CAPG: variants seen among roughly 807,000 people sequenced by gnomAD.
CAPG encodes capping actin protein, gelsolin like, also known as macrophage-capping protein.
In CAPG, 32 loss-of-function variants were observed where a neutral mutation model predicts 44.6. That is an observed-to-expected ratio of 0.72 (90% CI 0.54 to 0.96). The LOEUF is 0.96. Ranked by LOEUF, CAPG falls within the 50% of genes least tolerant of loss-of-function variation. The pLI, the probability that CAPG is intolerant of heterozygous loss-of-function variation, is 0.00. For synonymous variants in CAPG, 175 were observed against 179.6 expected, an observed-to-expected ratio of 0.97 and a Z score of 0.20; for missense variants, 412 against 438.3, an observed-to-expected ratio of 0.94 and a Z score of 0.54.
upstream of CAPG, among the ~76,000 whole-genome samples, chr2:85,415,263 C>T (rs1228634953): frequency 6.6e-6 from 1 of 152,186 alleles, no homozygotes; most frequent in Non-Finnish European, 1.5e-5. Context: ...TGCATCTACA[C>T]GCCCATGGGA....
chr2:85,413,449 G>T (rs1225031987), upstream of CAPG, among the ~76,000 whole-genome samples: 1 of 152,158 alleles, frequency 6.6e-6, no homozygotes, highest in Non-Finnish European at 1.5e-5. Context: ...GCGTGGTGGC[G>T]GGCGCCTATA....
intron 1 of CAPG, among the ~76,000 whole-genome samples, chr2:85,406,983 C>T (rs548314769): frequency 1.3e-5 from 2 of 149,620 alleles, no homozygotes; most frequent in Admixed American, 6.7e-5. Flanking sequence ...CAGGCTGGAG[C>T]GCAGTGGCAC....
chr2:85,400,632 A>C (rs535465371), intron 5 of CAPG, among the ~76,000 whole-genome samples: 2 of 151,988 alleles, frequency 1.3e-5, no homozygotes, highest in East Asian at 3.9e-4. Context: ...CTTTGCCTGG[A>C]GTGGCATCTC....
chr2:85,393,347 A>G (rs1487759120), downstream of CAPG, among the ~76,000 whole-genome samples: 1 of 151,954 alleles, frequency 6.6e-6, no homozygotes, highest in African/African-American at 2.4e-5. Context: ...CAAAAATCTT[A>G]ATCTGTGTAT....
rs1686880415 is a variant in CAPG, at chr2:85,401,422, C to A, written c.352-93G>T. The A allele has an allele frequency of 3.8e-6, 6 of 1,576,726 alleles. No individual in the cohort carries two copies. In the South Asian group the frequency reaches 5.7e-5, roughly 15 times the overall value. On this transcript the variant is annotated intron_variant, in intron 4 of 9. Transcript: ENST00000263867. ...TGGAAGACGGGCAGAAAGGTGGGGA[C>A]CCGGCTCCAAAGGCACCCGGGTCTT... is the stretch of plus-strand genomic sequence containing the variant.
chr2:85,417,010 C>A (rs1400110281), intron 1 of CAPG, among the ~76,000 whole-genome samples: 1 of 152,180 alleles, frequency 6.6e-6, no homozygotes, highest in Non-Finnish European at 1.5e-5. Flanking sequence ...CAGGGGCAAC[C>A]AGAACAGTGA....
downstream of CAPG, among the ~76,000 whole-genome samples, chr2:85,393,028 A>G (rs1288508591): frequency 6.6e-6 from 1 of 151,930 alleles, no homozygotes; most frequent in Non-Finnish European, 1.5e-5. Flanking sequence ...CTCTGAAAGC[A>G]GATGCAAAAA....
At chr2:85,406,243 C>G (rs1010563165) in intron 1 of CAPG, among the ~76,000 whole-genome samples, 3 of 141,634 alleles carry the variant, frequency 2.1e-5, no homozygotes, top group Non-Finnish European at 4.7e-5. Context: ...TGGAGTGAGA[C>G]TCGGTTTCAA....
downstream of CAPG, among the ~76,000 whole-genome samples, chr2:85,394,069 C>G (rs1558727155): frequency 1.3e-5 from 2 of 152,352 alleles, no homozygotes; most frequent in East Asian, 3.9e-4. Flanking sequence ...GGCTCACTCA[C>G]ACCCTGCTCT....
chr2:85,414,363 G>GGGAGGCTCA (rs1687503552), upstream of CAPG, among the ~76,000 whole-genome samples: 1 of 152,018 alleles, frequency 6.6e-6, no homozygotes, highest in South Asian at 2.1e-4. Flanking sequence ...TGAAGTCTTT[G>GGGAGGCTCA]GGAGGCTCAG....
intron 7 of CAPG, chr2:85,398,390 T>A (rs2271625): frequency 0.2 from 115,399 of 585,356 alleles, 12,484 homozygotes; most frequent in East Asian, 0.39. Flanking sequence ...GGAAATTAGG[T>A]GGATTCCAAA....
At chr2:85,406,858 C>CAA (rs1197970158) in intron 1 of CAPG, among the ~76,000 whole-genome samples, 1 of 135,800 alleles carries the variant, frequency 7.4e-6, no homozygotes, top group Non-Finnish European at 1.6e-5. Flanking sequence ...AACTCCGTCT[C>CAA]AAAAAAAAAA....
chr2:85,394,735 T>C (rs1219390525), downstream of CAPG: 1 of 683,196 alleles, frequency 1.5e-6, no homozygotes, highest in East Asian at 2.7e-5. Flanking sequence ...ACAGTGAGAA[T>C]CAGCCCAGGG....
At chr2:85,394,425 C>G (rs1686490167), downstream of CAPG, among the ~76,000 whole-genome samples, 1 of 152,258 alleles carries the variant, frequency 6.6e-6, no homozygotes, top group Non-Finnish European at 1.5e-5. Context: ...TTGAAGCTGC[C>G]TGGCAGTGCT....
At chr2:85,411,820 G>A (rs1687420359), upstream of CAPG, among the ~76,000 whole-genome samples, 1 of 152,206 alleles carries the variant, frequency 6.6e-6, no homozygotes, top group Non-Finnish European at 1.5e-5. Context: ...CCAGCACTTT[G>A]GGAGACTGAG....
At position 85,398,739 on chromosome 2, in the gene CAPG, T is replaced by G; in HGVS notation, c.710A>C (p.Glu237Ala). Reference protein sequence around the residue: ...KPALKEGNPEEDLTADKANAQ... With the variant: ...KPALKEGNPEADLTADKANAQ... ...ATTTGCCTTGTCAGCTGTGAGGTCT[T>G]CCTCAGGGTTGCCCTCCTTCAGAGC... Residue 237 changes from glutamate (E) to alanine (A), a missense_variant, in exon 7 of 10, where the codon GAA (glutamate) becomes GCA (alanine). Physicochemically the swap from Glu to Ala is moderately radical, Grantham distance 107 (BLOSUM62 -1). Coordinates refer to ENST00000263867, the MANE Select transcript of CAPG (RefSeq NM_001747.4). The G allele has an allele frequency of 1.2e-6, 2 of 1,608,092 alleles. No individual in the cohort carries two copies. Among genetic ancestry groups the G allele is most frequent in the Non-Finnish European group, 1.7e-6 (2 of 1,177,358 alleles).
rs1311445557 is a variant in CAPG, at chr2:85,395,426, G to C, written c.981+112C>G. 2.6e-6 allele frequency: 2 copies of C among 777,712 alleles called. No individual in the cohort carries two copies. The highest frequency in any genetic ancestry group is 2.0e-5 in the Admixed American group (1 of 49,630). 48.2% of individuals were successfully genotyped at this position (777,712 alleles called of 1,614,324 possible). A position where few individuals can be genotyped will look rare whatever the true frequency, so the allele number is the denominator to read the frequency against. On this transcript the variant is annotated intron_variant, in intron 9 of 9. Coordinates refer to ENST00000263867, the MANE Select transcript of CAPG (RefSeq NM_001747.4). This position sits in a 1 kb window ranked among gnomAD's most constrained non-coding sequence, Gnocchi z 4.3. ...CTGGATGGGTCTAAGAGGGAGGCCT[G>C]GTTGTTCCTGACAGTGCCCAAGGCT...
chr2:85,402,806 T>G (rs1270715600), intron 1 of CAPG, among the ~76,000 whole-genome samples: 3 of 149,272 alleles, frequency 2.0e-5, no homozygotes, highest in East Asian at 4.0e-4. Context: ...AGTCTCACTC[T>G]GTCACTCAGG....
At chr2:85,410,801 T>C (rs1687383112), upstream of CAPG, among the ~76,000 whole-genome samples, 1 of 152,162 alleles carries the variant, frequency 6.6e-6, no homozygotes, top group Non-Finnish European at 1.5e-5. Flanking sequence ...CCTCAGTTTG[T>C]CTTTCTCCTT....
Sources: gnomAD v4.1 joint callset for allele counts (sites outside exome capture counted in the v4.1 genomes callset) on GRCh38, gnomAD v4.1.1 for gene constraint, Gnocchi (gnomAD v3.1) non-coding constraint, MANE v1.5 for transcripts, NCBI Gene and HGNC (gene_info 2026-07-23, HGNC 2026-07-21) for gene names.